SLC16A10: variants seen among roughly 807,000 people sequenced by gnomAD.
The protein encoded by SLC16A10 is monocarboxylate transporter 10.
Under a neutral mutation model 40.0 loss-of-function variants are expected in SLC16A10, and 27 were observed. The observed-to-expected ratio is 0.67, with a 90% CI of 0.50 to 0.93. The LOEUF is 0.93. Among genes scored for constraint, SLC16A10 ranks in the 40% least tolerant of loss-of-function variants. SLC16A10 has a pLI of 0.00. For synonymous variants in SLC16A10, 213 were observed against 249.8 expected, an observed-to-expected ratio of 0.85 and a Z score of 1.39; for missense variants, 529 against 658.2, an observed-to-expected ratio of 0.80 and a Z score of 2.15.
At chr6:111,190,138 T>C (rs1006292442) in intron 3 of SLC16A10, among the ~76,000 whole-genome samples, 14 of 152,166 alleles carry the variant, frequency 9.2e-5, no homozygotes, top group Non-Finnish European at 1.6e-4. Context: ...ATGGGAGACA[T>C]TGGCCAAAAT....
At chr6:111,093,037 G>A (rs1326689412) in intron 1 of SLC16A10, among the ~76,000 whole-genome samples, 4 of 116,846 alleles carry the variant, frequency 3.4e-5, no homozygotes, top group African/African-American at 7.1e-5. Flanking sequence ...GTGAAACTCC[G>A]TCTCAAAAAA....
At chr6:111,194,228 C>T (rs1448757307) in intron 3 of SLC16A10, among the ~76,000 whole-genome samples, 1 of 152,054 alleles carries the variant, frequency 6.6e-6, no homozygotes, top group Non-Finnish European at 1.5e-5. Flanking sequence ...TCTTCAAGTG[C>T]TTTTTTTCTT....
At chr6:111,190,939 T>G (rs577785072) in intron 3 of SLC16A10, among the ~76,000 whole-genome samples, 1 of 152,378 alleles carries the variant, frequency 6.6e-6, no homozygotes, top group East Asian at 1.9e-4. Context: ...ACATTGAGCT[T>G]CTTGTCACTT....
rs1771109008 is a variant in SLC16A10, at chr6:111,231,103, G to T, written c.*8868G>T. 6.6e-6 allele frequency: 1 copy of T among 151,924 alleles called. No homozygotes were observed. The allele number at this position is 151,924 out of a possible 1,614,324, so 9.4% of individuals were successfully genotyped here. On this transcript the variant is annotated 3_prime_UTR_variant, in exon 6 of 6. Coordinates refer to ENST00000368851, the MANE Select transcript of SLC16A10 (RefSeq NM_018593.5). ...ATAACCAAAATCTTTTTAATGAAAAGATCTTTACAATTGCTTGGAGGATAA... is the reference window on the plus strand; with the variant it reads ...ATAACCAAAATCTTTTTAATGAAAATATCTTTACAATTGCTTGGAGGATAA...
At chr6:111,196,879 CATCCATA>C (rs1415962977) in intron 3 of SLC16A10, among the ~76,000 whole-genome samples, 1 of 152,172 alleles carries the variant, frequency 6.6e-6, no homozygotes, top group East Asian at 1.9e-4. Context: ...GGGACTTGAT[CATCCATA>C]GATACGGGTA....
At chr6:111,100,982 C>CTATA (rs1771170813) in intron 1 of SLC16A10, among the ~76,000 whole-genome samples, 5 of 116,610 alleles carry the variant, frequency 4.3e-5, no homozygotes, top group Non-Finnish European at 5.1e-5. Flanking sequence ...CTCTCTCTCT[C>CTATA]TCTCTCTCTC....
At chr6:111,183,206 C>A (rs1203107143) in intron 3 of SLC16A10, among the ~76,000 whole-genome samples, 2 of 152,204 alleles carry the variant, frequency 1.3e-5, no homozygotes, top group Non-Finnish European at 2.9e-5. Context: ...TGCCATTCGC[C>A]TTTTAATGGG....
intron 3 of SLC16A10, among the ~76,000 whole-genome samples, chr6:111,184,355 G>A (rs1472644596): frequency 6.6e-6 from 1 of 152,124 alleles, no homozygotes; most frequent in African/African-American, 2.4e-5. Context: ...GTAATTGACT[G>A]TTCTCAAAAG....
At position 111,155,526 on chromosome 6, in the gene SLC16A10, G is replaced by A. The variant is rs531881388; in HGVS notation, c.344-17169G>A. 7.9e-5 allele frequency among the ~76,000 whole-genome samples: 12 copies of A among 152,240 alleles called. No individual in the cohort carries two copies. In the South Asian group the frequency reaches 1.7e-3, roughly 21 times the overall value. On this transcript the variant is annotated intron_variant, in intron 1 of 5. Coordinates refer to ENST00000368851, the MANE Select transcript of SLC16A10 (RefSeq NM_018593.5). ...AAAAAACATAATAATGTGGTTATTC[G>A]AAGAAGTGATTTCCTCTCAAAACAT...
intron 1 of SLC16A10, among the ~76,000 whole-genome samples, chr6:111,164,639 C>A (rs111295157): frequency 3.9e-5 from 6 of 152,174 alleles, no homozygotes; most frequent in African/African-American, 1.4e-4. Context: ...ATGGTGTATG[C>A]CTGTAGTCCC....
rs1029249379 is a variant in SLC16A10 at position 111,227,500 on chromosome 6, A to G, written c.*5265A>G. On this transcript the variant is annotated 3_prime_UTR_variant, in exon 6 of 6. Coordinates refer to ENST00000368851, the MANE Select transcript of SLC16A10 (RefSeq NM_018593.5). The stretch of plus-strand genomic sequence containing the variant: ...AGTAAAGACTCCTGGAAAATTCATG[A>G]CATCTTTGAATCACTCAGAAAAATC... The G allele has an allele frequency of 4.6e-5, 7 of 152,192 alleles. No individual in the cohort carries two copies. Among genetic ancestry groups the G allele is most frequent in the Admixed American group, 3.9e-4 (6 of 15,276 alleles). The allele number at this position is 152,192 out of a possible 1,614,324, so 9.4% of individuals were successfully genotyped here. A position where few individuals can be genotyped will look rare whatever the true frequency, so the allele number is the denominator to read the frequency against.
At chr6:111,146,517 A>G (rs1489539995) in intron 1 of SLC16A10, among the ~76,000 whole-genome samples, 1 of 152,186 alleles carries the variant, frequency 6.6e-6, no homozygotes, top group Non-Finnish European at 1.5e-5. Context: ...TGGGTGGATC[A>G]CGAGGTCAGG....
At chr6:111,118,534 A>G (rs1470612910) in intron 1 of SLC16A10, among the ~76,000 whole-genome samples, 3 of 152,074 alleles carry the variant, frequency 2.0e-5, no homozygotes, top group Admixed American at 1.3e-4. Context: ...TCCAAAAATT[A>G]GCTGGGCGTG....
intron 1 of SLC16A10, among the ~76,000 whole-genome samples, chr6:111,146,334 CTG>C (rs1772076599): frequency 6.6e-6 from 1 of 152,208 alleles, no homozygotes; most frequent in South Asian, 2.1e-4. Context: ...CCCTCATACA[CTG>C]TGGATGGGAA....
intron 2 of SLC16A10, among the ~76,000 whole-genome samples, chr6:111,174,600 G>T (rs573796801): frequency 2.6e-5 from 4 of 152,158 alleles, no homozygotes; most frequent in South Asian, 4.2e-4. Context: ...TCCATGAGAT[G>T]ATTTATTTTA....
At chr6:111,141,087 A>G (rs1891387) in intron 1 of SLC16A10, among the ~76,000 whole-genome samples, 18,856 of 152,182 alleles carry the variant, frequency 0.12, 1,333 homozygotes, top group Middle Eastern at 0.17. Context: ...CACTATACCC[A>G]CCCAACATAA....
At chr6:111,178,362 A>G (rs764176517) in intron 3 of SLC16A10, 2 of 531,356 alleles carry the variant, frequency 3.8e-6, no homozygotes, top group South Asian at 2.8e-5. Context: ...TAGGATTTCA[A>G]GTGCTCAAGA....
chr6:111,193,016 T>C (rs1365294048), intron 3 of SLC16A10, among the ~76,000 whole-genome samples: 4 of 152,134 alleles, frequency 2.6e-5, no homozygotes, highest in East Asian at 3.8e-4. Context: ...ATGTGGTTAT[T>C]CTTCTTATTA....
At chr6:111,203,917 A>G (rs1250158159) in intron 3 of SLC16A10, among the ~76,000 whole-genome samples, 1 of 152,172 alleles carries the variant, frequency 6.6e-6, no homozygotes, top group Non-Finnish European at 1.5e-5. Context: ...ATAAAGAATA[A>G]TAGCCATTTG....
Sources: gnomAD v4.1 joint callset for allele counts (sites outside exome capture counted in the v4.1 genomes callset) on GRCh38, gnomAD v4.1.1 for gene constraint, MANE v1.5 for transcripts, NCBI Gene and HGNC (gene_info 2026-07-23, HGNC 2026-07-21) for gene names.